Variants in HCN4 observed in about 807,000 individuals in gnomAD.
HCN4 encodes the protein potassium/sodium hyperpolarization-activated cyclic nucleotide-gated channel 4.
HCN4 carries 29 observed loss-of-function variants against 76.9 expected under a neutral mutation model. The ratio of observed to expected loss-of-function variants is 0.38; its 90% CI spans 0.28 to 0.51. The LOEUF is 0.51. HCN4 is among the 20% of genes least tolerant of loss of function. HCN4 has a pLI of 0.90. For synonymous variants in HCN4, 772 were observed against 762.5 expected (o/e 1.01, Z -0.21); for missense variants, 1,416 against 1,715.2 (o/e 0.83, Z 3.08).
chr15:73,348,699 C>T (rs2043039785), intron 1 of HCN4, among the ~76,000 whole-genome samples: 1 of 152,218 alleles, frequency 6.6e-6, no homozygotes, highest in South Asian at 2.1e-4. Context: ...TCATGGAGGA[C>T]AGGGACCTTG....
Position 73,325,009 on chromosome 15 carries a change from C to A in HCN4, c.1924G>T (p.Val642Leu). 6.2e-7 allele frequency: 1 copy of A among 1,614,172 alleles called. No individual in the cohort carries two copies. The highest frequency in any genetic ancestry group is 8.5e-7 in the Non-Finnish European group (1 of 1,180,028). The change falls in exon 6 of 8, where the codon GTG (valine) becomes TTG (leucine). Residue 642 changes from valine to leucine, a missense_variant. By Grantham distance (32) the Val-to-Leu change is conservative. This residue lies in a region of HCN4 where 241 missense variants were observed against 379.4 expected (regional missense o/e 0.64). Transcript: ENST00000261917. The surrounding 1 kb of genome is among the most constrained non-coding windows in gnomAD (Gnocchi z 7.4). Reference sequence around the variant, plus strand: ...GTCTCCTTGTTGCCCTTGGTGAGCACGCTGACCACGCCATGCTGGATGAAG... The same window carrying A: ...GTCTCCTTGTTGCCCTTGGTGAGCAAGCTGACCACGCCATGCTGGATGAAG... Reference protein sequence around the residue: ...MYFIQHGVVSVLTKGNKETKL... With the variant: ...MYFIQHGVVSLLTKGNKETKL...
Position 73,320,229 on chromosome 15 carries a change from T to TAA in HCN4, c.*2250_*2251dup, listed in dbSNP as rs2042848567. ...GTGTGTGCAGAACTCAGGTTGAGGC[T>TAA]AAGTCCTTCCAGTTCTCAGAACTCC... On this transcript the variant is annotated 3_prime_UTR_variant, in exon 8 of 8. Transcript: ENST00000261917. The TAA allele has an allele frequency of 6.6e-6, 1 of 152,208 alleles. No individual in the cohort carries two copies. Among genetic ancestry groups the TAA allele is most frequent in the Non-Finnish European group, 1.5e-5 (1 of 68,082 alleles). 9.4% of individuals were successfully genotyped at this position (152,208 alleles called of 1,614,324 possible).
At position 73,325,230 on chromosome 15, in the gene HCN4, G is replaced by A; in HGVS notation, c.1738-35C>T. On this transcript the variant is annotated intron_variant, in intron 5 of 7. Coordinates refer to ENST00000261917, the MANE Select transcript of HCN4 (RefSeq NM_005477.3). This position sits in a 1 kb window ranked among gnomAD's most constrained non-coding sequence, Gnocchi z 7.4. ...AGGGTGGATTGGGACACGGGAAGGA[G>A]GTGGTGAGGGGAGCTGGCTGCCAGG... is the stretch of plus-strand genomic sequence containing the variant. 6.2e-7 allele frequency: 1 copy of A among 1,614,122 alleles called. No individual in the cohort carries two copies. The highest frequency in any genetic ancestry group is 8.5e-7 in the Non-Finnish European group (1 of 1,179,980).
At chr15:73,350,318 C>A (rs2043050022) in intron 1 of HCN4, among the ~76,000 whole-genome samples, 1 of 152,220 alleles carries the variant, frequency 6.6e-6, no homozygotes, top group African/African-American at 2.4e-5. Flanking sequence ...CAGGCAAGGA[C>A]CACCATCAAC....
Position 73,343,842 on chromosome 15 carries a change from G to A in HCN4, c.786-34C>T, listed in dbSNP as rs1283987230. On this transcript the variant is annotated intron_variant, in intron 1 of 7. Coordinates refer to ENST00000261917, the MANE Select transcript of HCN4 (RefSeq NM_005477.3). The surrounding 1 kb of genome is among the most constrained non-coding windows in gnomAD (Gnocchi z 5.7). ...AGACACAGGGGTCAGTCGCCAGGAA[G>A]AGAGAGAGGACAAGTTACAGACTAA... 4.4e-6 allele frequency: 7 copies of A among 1,605,912 alleles called. No homozygotes were observed. In the South Asian group the frequency reaches 7.7e-5, roughly 18 times the overall value.
chr15:73,349,582 AGCTCTCTCTCCTGT>A (rs1405994137), intron 1 of HCN4, among the ~76,000 whole-genome samples: 2 of 151,944 alleles, frequency 1.3e-5, no homozygotes, highest in African/African-American at 4.8e-5. Flanking sequence ...TCTCCCTCCC[AGCTCTCTCTCCTGT>A]GCTCTCTTCC....
Position 73,322,580 on chromosome 15 carries a change from T to G in HCN4, c.3513A>C (p.Arg1171Ser). ...LPPPLSLFGA[R>S]ATSSGGPPLT... Reference sequence around the variant, plus strand: ...GAGGGGGCCCCCCAGAAGAGGTGGCTCTTGCCCCAAACAAAGACAGAGGGG... The same window carrying G: ...GAGGGGGCCCCCCAGAAGAGGTGGCGCTTGCCCCAAACAAAGACAGAGGGG... The change falls in exon 8 of 8, where the codon AGA (arginine) becomes AGC (serine). Residue 1171 changes from arginine to serine, a missense_variant. Transcript: ENST00000261917. 2 of 1,610,158 alleles carry G rather than the reference T, an allele frequency of 1.2e-6. No individual in the cohort carries two copies. The highest frequency in any genetic ancestry group is 1.7e-6 in the Non-Finnish European group (2 of 1,178,610).
Position 73,323,424 on chromosome 15 carries a change from G to T in HCN4, c.2669C>A (p.Pro890His), listed in dbSNP as rs758929649. ...GCCAGCTGATGGTGTGGGAGCCGAG[G>T]GGGAGCCACAGGCCCCGGGGGGTGG... is the stretch of plus-strand genomic sequence containing the variant. ...SSPPPGACGS[P>H]SAPTPSAGVA... The change falls in exon 8 of 8, where the codon CCC becomes CAC. Residue 890 changes from proline (P) to histidine (H), a missense_variant. Physicochemically the swap from Pro to His is moderately conservative, Grantham distance 77. Coordinates refer to ENST00000261917, the MANE Select transcript of HCN4 (RefSeq NM_005477.3). 6.2e-7 allele frequency: 1 copy of T among 1,608,168 alleles called. No individual in the cohort carries two copies. The highest frequency in any genetic ancestry group is 1.1e-5 in the South Asian group (1 of 90,750).
rs1085307696 is a variant in HCN4 at position 73,367,715 on chromosome 15, T to C, written c.556A>G (p.Thr186Ala). The stretch of plus-strand genomic sequence containing the variant: ...GCGCCTCCCTCCACTTTGATAGCGG[T>C]GTCCACCGAGGGCTGCTCGCAGGAG... ...SASCEQPSVDTAIKVEGGAAA... is the reference protein window; with the variant it reads ...SASCEQPSVDAAIKVEGGAAA... The change falls in exon 1 of 8, where the codon ACC becomes GCC. Residue 186 changes from threonine to alanine, a missense_variant. Thr to Ala is a moderately conservative substitution (Grantham distance 58). Around this residue, in one of 6 missense-constraint regions of HCN4, gnomAD observed 355 missense variants for 347.8 expected, o/e 1.02. Transcript: ENST00000261917. This position sits in a 1 kb window ranked among gnomAD's most constrained non-coding sequence, Gnocchi z 7.5. 5.0e-6 allele frequency: 8 copies of C among 1,597,124 alleles called. No homozygotes were observed. In the African/African-American group the frequency reaches 5.3e-5, roughly 11 times the overall value.
rs2043122143 is a variant in HCN4, at chr15:73,364,958, TG to T, written c.785+2527del. 3.3e-5 allele frequency among the ~76,000 whole-genome samples: 5 copies of T among 152,362 alleles called. No homozygotes were observed. The South Asian group carries it at 1.0e-3, about 32-fold the overall frequency. ...TGGCAATTCTTTATTAAACCAGTTC[TG>T]CTGGATCAATGCTTCCTGCCCGTCA... On this transcript the variant is annotated intron_variant, in intron 1 of 7. Transcript: ENST00000261917.
rs774400171 is a variant in HCN4, at chr15:73,322,518, G to A, written c.3575C>T (p.Pro1192Leu). 6.2e-7 allele frequency: 1 copy of A among 1,602,990 alleles called. No individual in the cohort carries two copies. The highest frequency in any genetic ancestry group is 8.5e-7 in the Non-Finnish European group (1 of 1,174,900). The change falls in exon 8 of 8, where the codon CCT becomes CTT. Residue 1192 changes from proline (P) to leucine (L), a missense_variant. Transcript: ENST00000261917. ...TGGCAGTTTGGAGCGCACTGGCTCA[G>A]GCCTGGCCCCAGGTTCCCTCTGGGG... ...AGPQREPGAR[P>L]EPVRSKLPSN...
chr15:73,367,893 C>A lies in HCN4; in HGVS notation c.378G>T (p.Ala126=). The A allele has an allele frequency of 7.3e-7, 1 of 1,378,726 alleles. No individual in the cohort carries two copies. The highest frequency in any genetic ancestry group is 9.4e-7 in the Non-Finnish European group (1 of 1,064,400). 85.4% of individuals were successfully genotyped at this position (1,378,726 alleles called of 1,614,324 possible). Residue 126 remains alanine, a synonymous_variant, in exon 1 of 8, where the codon GCG becomes GCT. Transcript: ENST00000261917. The surrounding 1 kb of genome is among the most constrained non-coding windows in gnomAD (Gnocchi z 7.5). ...CCTCGGCGATGAGCCGCCGCTCCTC[C>A]GCGGAGTCATGCAGGTGTCCGTGAC... ...GSSHGHLHDS[A]EERRLIAEGD... is the part of the protein sequence containing the mutation.
intron 1 of HCN4, among the ~76,000 whole-genome samples, chr15:73,365,522 G>A (rs1375014672): frequency 2.0e-5 from 3 of 152,246 alleles, no homozygotes; most frequent in Admixed American, 6.5e-5. Context: ...GTTAGTGGGA[G>A]ATTCTGCAGC....
Position 73,367,805 on chromosome 15 carries a change from CG to C in HCN4, c.465del (p.Gly156AlafsTer76). The C allele has an allele frequency of 8.0e-7, 1 of 1,244,484 alleles. No individual in the cohort carries two copies. The allele number at this position is 1,244,484 out of a possible 1,614,324, so 77.1% of individuals were successfully genotyped here. On this transcript the variant is annotated frameshift_variant, in exon 1 of 8. Coordinates refer to ENST00000261917, the MANE Select transcript of HCN4 (RefSeq NM_005477.3). LOFTEE classifies it high-confidence loss of function. The surrounding 1 kb of genome is among the most constrained non-coding windows in gnomAD (Gnocchi z 7.5). Reference protein sequence around the residue: ...PPGLAAEPERPGASAQPAASP... With the variant: ...PPGLAAEPERXGASAQPAASP... The stretch of plus-strand genomic sequence containing the variant: ...GAGGCTGCGGGCTGCGCCGAGGCGC[CG>C]GGGCGCTCGGGCTCGGCCGCCAGGC...
chr15:73,333,578 C>T (rs906965720), intron 2 of HCN4, among the ~76,000 whole-genome samples: 2 of 152,150 alleles, frequency 1.3e-5, no homozygotes, highest in Non-Finnish European at 2.9e-5. Flanking sequence ...CAGCTCATCA[C>T]CTGCAGTCAC....
intron 1 of HCN4, among the ~76,000 whole-genome samples, chr15:73,351,269 C>T (rs916796351): frequency 2.6e-5 from 4 of 152,090 alleles, no homozygotes; most frequent in Non-Finnish European, 4.4e-5. Flanking sequence ...CATCTCTTCC[C>T]GCTCTGTGCA....
chr15:73,350,849 A>G (rs1427613768), intron 1 of HCN4, among the ~76,000 whole-genome samples: 2 of 152,100 alleles, frequency 1.3e-5, no homozygotes, highest in Non-Finnish European at 2.9e-5. Flanking sequence ...TAAACTTAAA[A>G]AAAAATCCCT....
At chr15:73,364,172 T>TCTGC (rs959009873) in intron 1 of HCN4, among the ~76,000 whole-genome samples, 10 of 152,092 alleles carry the variant, frequency 6.6e-5, no homozygotes, top group Non-Finnish European at 1.2e-4. Flanking sequence ...AGGCCAAGCT[T>TCTGC]CTGCCTGCCT....
At chr15:73,326,281 G>C in intron 4 of HCN4, among the ~76,000 whole-genome samples, 1 of 152,268 alleles carries the variant, frequency 6.6e-6, no homozygotes, top group Middle Eastern at 3.4e-3. Context: ...AATCAGAAAC[G>C]GGGCAGCCTG....
Sources: gnomAD v4.1 joint callset for allele counts (sites outside exome capture counted in the v4.1 genomes callset) on GRCh38, gnomAD v4.1.1 for gene constraint, gnomAD v4.1.1 regional missense constraint, Gnocchi (gnomAD v3.1) non-coding constraint, MANE v1.5 for transcripts, NCBI Gene and HGNC (gene_info 2026-07-23, HGNC 2026-07-21) for gene names.